SPECC1: variants seen among roughly 807,000 people sequenced by gnomAD.
The protein encoded by SPECC1 is sperm antigen with calponin homology and coiled-coil domains 1, also known as cytospin-B.
A neutral mutation model predicts 104.1 loss-of-function variants in SPECC1; 62 were observed. The ratio of observed to expected loss-of-function variants is 0.60; its 90% confidence interval spans 0.49 to 0.74. SPECC1 has a LOEUF of 0.74. SPECC1 is among the 30% of genes least tolerant of loss of function. The pLI is 0.00. For synonymous variants in SPECC1, 513 were observed against 501.6 expected (o/e 1.02, Z -0.30); for missense variants, 1,306 against 1,310.5 (o/e 1.00, Z 0.05).
intron 1 of SPECC1, among the ~76,000 whole-genome samples, chr17:20,023,157 T>C (rs2044462895): frequency 6.6e-6 from 1 of 152,208 alleles, no homozygotes; most frequent in Non-Finnish European, 1.5e-5. Flanking sequence ...TGTGTTCCCT[T>C]GGAACTACTT....
chr17:20,243,835 T>C (rs2039305711), intron 7 of SPECC1, among the ~76,000 whole-genome samples: 1 of 152,224 alleles, frequency 6.6e-6, no homozygotes, highest in East Asian at 1.9e-4. Context: ...ATTTTGTTCT[T>C]ATTAAATTAT....
chr17:20,207,781 A>T (rs1376009218), intron 4 of SPECC1, among the ~76,000 whole-genome samples: 1 of 152,174 alleles, frequency 6.6e-6, no homozygotes, highest in Admixed American at 6.5e-5. Context: ...CATTGATATG[A>T]TTATGATATT....
chr17:20,162,435 C>T (rs914430879), intron 3 of SPECC1, among the ~76,000 whole-genome samples: 3 of 152,040 alleles, frequency 2.0e-5, no homozygotes, highest in South Asian at 2.1e-4. Context: ...CGTGAGCCAC[C>T]GCGCCCGGCC....
At chr17:20,096,301 C>A (rs2047639440) in intron 1 of SPECC1, among the ~76,000 whole-genome samples, 1 of 152,136 alleles carries the variant, frequency 6.6e-6, no homozygotes, top group South Asian at 2.1e-4. Flanking sequence ...TCTGGCTGAC[C>A]TGTTTTATCT....
chr17:20,070,176 C>T (rs141280229), intron 1 of SPECC1, among the ~76,000 whole-genome samples: 203 of 152,310 alleles, frequency 1.3e-3, no homozygotes, highest in African/African-American at 4.6e-3. Flanking sequence ...AGCAGAGAGA[C>T]ACCCTTGTCT....
chr17:20,101,118 A>G (rs978185842), intron 2 of SPECC1, among the ~76,000 whole-genome samples: 2 of 152,328 alleles, frequency 1.3e-5, no homozygotes, highest in South Asian at 2.1e-4. Flanking sequence ...TAGTGCTGCA[A>G]TAAACATACA....
At position 20,186,317 on chromosome 17, in the gene SPECC1, A is replaced by G. The variant is rs574261871; in HGVS notation, c.284-18016A>G. 1.8e-4 allele frequency among the ~76,000 whole-genome samples: 28 copies of G among 152,134 alleles called. 1 individual carries two copies. In the South Asian group the frequency reaches 5.8e-3, roughly 31 times the overall value. On this transcript the variant is annotated intron_variant, in intron 3 of 14. Coordinates refer to ENST00000395527, the MANE Select transcript of SPECC1 (RefSeq NM_001243439.2). ...TCTGTTAAGTGTGCAATAGCATTACATCTTAAAAAAAGCAATGTACATGCC... is the reference window on the plus strand; with the variant it reads ...TCTGTTAAGTGTGCAATAGCATTACGTCTTAAAAAAAGCAATGTACATGCC...
chr17:20,208,625 TGG>T (rs1464243898), intron 4 of SPECC1, among the ~76,000 whole-genome samples: 1 of 152,244 alleles, frequency 6.6e-6, no homozygotes, highest in Non-Finnish European at 1.5e-5. Context: ...GATGTGACCT[TGG>T]GCAGGCCCCT....
At chr17:20,130,361 C>G (rs956337710) in intron 3 of SPECC1, among the ~76,000 whole-genome samples, 3 of 152,146 alleles carry the variant, frequency 2.0e-5, no homozygotes, top group Non-Finnish European at 2.9e-5. Flanking sequence ...ACGGCAAGAT[C>G]CCGTCTCTAC....
Position 20,205,324 on chromosome 17 carries a change from C to T in SPECC1, c.1275C>T (p.Ser425=). The T allele has an allele frequency of 1.2e-6, 2 of 1,614,164 alleles. No individual in the cohort carries two copies. Among genetic ancestry groups the T allele is most frequent in the African/African-American group, 1.3e-5 (1 of 75,040 alleles). Residue 425 remains serine, a synonymous_variant, in exon 4 of 15, where the codon TCC becomes TCT. Coordinates refer to ENST00000395527, the MANE Select transcript of SPECC1 (RefSeq NM_001243439.2). ...ATGAAAAGACGATTTTAGAGACATC[C>T]TTTCATCAGCATCGAGAGAGGGCAG... The part of the protein sequence containing the change: ...LVDEKTILET[S]FHQHRERAEQ...
At chr17:20,159,626 C>T (rs1216005751) in intron 3 of SPECC1, among the ~76,000 whole-genome samples, 1 of 152,174 alleles carries the variant, frequency 6.6e-6, no homozygotes, top group Non-Finnish European at 1.5e-5. Flanking sequence ...CAGCAGGATT[C>T]CTCTGTTGTG....
At chr17:20,124,991 T>G (rs755294270) in intron 3 of SPECC1, among the ~76,000 whole-genome samples, 17 of 152,018 alleles carry the variant, frequency 1.1e-4, no homozygotes, top group Non-Finnish European at 2.2e-4. Flanking sequence ...CCATCCTGAC[T>G]AACACGGTAA....
At chr17:20,047,413 G>T (rs1288117065) in intron 1 of SPECC1, among the ~76,000 whole-genome samples, 1 of 152,170 alleles carries the variant, frequency 6.6e-6, no homozygotes, top group Non-Finnish European at 1.5e-5. Flanking sequence ...TGCTAGATGT[G>T]TCTTGTGCTG....
At position 20,260,252 on chromosome 17, in the gene SPECC1, T is replaced by C; in HGVS notation, c.2898T>C (p.Asn966=). ...GGGAATACGGTGGTTCCAAGCGCAA[T>C]GCTCTACTGAAATGGTGCCAGAAGA... is the stretch of plus-strand genomic sequence containing the variant. ...LAREYGGSKR[N]ALLKWCQKKT... The change falls in exon 12 of 15, where the codon AAT becomes AAC. Residue 966 remains asparagine (N), a synonymous_variant. Coordinates refer to ENST00000395527, the MANE Select transcript of SPECC1 (RefSeq NM_001243439.2). 6.2e-7 allele frequency: 1 copy of C among 1,614,094 alleles called. No homozygotes were observed.
At chr17:20,243,643 A>C (rs1738201409) in intron 7 of SPECC1, among the ~76,000 whole-genome samples, 1 of 152,170 alleles carries the variant, frequency 6.6e-6, no homozygotes, top group Non-Finnish European at 1.5e-5. Context: ...GGGTTTTCTC[A>C]TACTGACTCT....
chr17:20,027,507 TG>T (rs1173733284), intron 1 of SPECC1, among the ~76,000 whole-genome samples: 1 of 152,226 alleles, frequency 6.6e-6, no homozygotes, highest in African/African-American at 2.4e-5. Flanking sequence ...CCTGGACCAA[TG>T]TCCTGAAGCG....
rs549906384 is a variant in SPECC1, at chr17:20,062,253, C to CA, written c.-21-34359dup. Reference sequence around the variant, plus strand: ...GGGTGACAGAGCAAGACTCTGTCGTCAAAAAAAAAAAAAAAAAAATTTTGT... The same window carrying CA: ...GGGTGACAGAGCAAGACTCTGTCGTCAAAAAAAAAAAAAAAAAAAATTTTGT... On this transcript the variant is annotated intron_variant, in intron 1 of 14. Transcript: ENST00000395527. Among the ~76,000 whole-genome samples the CA allele has an allele frequency of 8.1e-3, 618 of 75,984 alleles. 2 individuals are homozygous for CA. The highest frequency in any genetic ancestry group is 0.029 in the Middle Eastern group (3 of 104). The allele number at this position is 75,984 out of a possible 152,430, so 49.8% of individuals were successfully genotyped here.
At chr17:20,096,875 A>G (rs780845988) in intron 2 of SPECC1, 77 bp downstream of exon 2, 92 of 1,524,054 alleles carry the variant, frequency 6.0e-5, no homozygotes, top group Non-Finnish European at 7.6e-5. Flanking sequence ...GGCAGTAAGC[A>G]AACCAGTGGC....
chr17:20,130,860 GT>G (rs1316886240), intron 3 of SPECC1, among the ~76,000 whole-genome samples: 2 of 152,080 alleles, frequency 1.3e-5, no homozygotes, highest in Non-Finnish European at 2.9e-5. Flanking sequence ...CATAAACATG[GT>G]ATGGCTCTCC....
Sources: allele counts gnomAD v4.1 joint callset (sites outside exome capture counted in the v4.1 genomes callset), GRCh38; gene constraint gnomAD v4.1.1; transcripts MANE v1.5; gene names NCBI Gene and HGNC (gene_info 2026-07-23, HGNC 2026-07-21).